CCBE1: variants seen among roughly 807,000 people sequenced by gnomAD.
CCBE1 encodes collagen and calcium binding EGF domains 1.
A neutral mutation model predicts 50.0 loss-of-function variants in CCBE1; 37 were observed. That is an observed-to-expected ratio of 0.74 (90% CI 0.57 to 0.97). The LOEUF (loss-of-function observed/expected upper bound fraction) is 0.97. Ranked by LOEUF, CCBE1 falls within the 50% of genes least tolerant of loss-of-function variation. The pLI is 0.00. For missense variants in CCBE1, 538 were observed against 523.8 expected (o/e 1.03, Z -0.26); for synonymous variants, 234 against 203.7 (o/e 1.15, Z -1.27).
chr18:59,480,753 A>ATTT (rs10636742), intron 2 of CCBE1, among the ~76,000 whole-genome samples: 224 of 150,086 alleles, frequency 1.5e-3, no homozygotes, highest in Middle Eastern at 6.9e-3. Flanking sequence ...CATTTGAGTG[A>ATTT]TTTTTTTTTT....
At chr18:59,565,192 A>G (rs550640132) in intron 2 of CCBE1, among the ~76,000 whole-genome samples, 1 of 137,070 alleles carries the variant, frequency 7.3e-6, no homozygotes, top group East Asian at 2.1e-4. Context: ...AGTGTCAAAA[A>G]TGTAGGTAGG....
At chr18:59,554,411 T>C (rs896589845) in intron 2 of CCBE1, among the ~76,000 whole-genome samples, 22 of 152,244 alleles carry the variant, frequency 1.4e-4, no homozygotes, top group African/African-American at 5.3e-4. Flanking sequence ...ATGCATCCCA[T>C]GTTACACACA....
At chr18:59,656,341 C>A (rs148371285) in intron 2 of CCBE1, among the ~76,000 whole-genome samples, 1 of 152,106 alleles carries the variant, frequency 6.6e-6, no homozygotes, top group Non-Finnish European at 1.5e-5. Flanking sequence ...TTTAATCACC[C>A]TATAAAACAT....
chr18:59,476,621 G>A (rs1912317937), intron 3 of CCBE1, among the ~76,000 whole-genome samples: 1 of 152,240 alleles, frequency 6.6e-6, no homozygotes, highest in Non-Finnish European at 1.5e-5. Flanking sequence ...ATCAGAGTTA[G>A]GGCACAGGCC....
At chr18:59,642,976 A>G (rs986071280) in intron 2 of CCBE1, among the ~76,000 whole-genome samples, 4 of 151,078 alleles carry the variant, frequency 2.6e-5, no homozygotes, top group Non-Finnish European at 4.4e-5. Context: ...AAAAATTACA[A>G]TGAAGGATAA....
intron 2 of CCBE1, among the ~76,000 whole-genome samples, chr18:59,486,756 C>T (rs747465356): frequency 8.5e-5 from 13 of 152,260 alleles, no homozygotes; most frequent in South Asian, 2.1e-4. Context: ...AGGAAGACTT[C>T]CATCTTTCTC....
intron 2 of CCBE1, among the ~76,000 whole-genome samples, chr18:59,649,500 G>A (rs2054099757): frequency 6.6e-6 from 1 of 152,168 alleles, no homozygotes; most frequent in Non-Finnish European, 1.5e-5. Context: ...CATAATAACA[G>A]ACAGACATTT....
intron 5 of CCBE1, among the ~76,000 whole-genome samples, chr18:59,465,264 G>A (rs1911686190): frequency 6.6e-6 from 1 of 152,168 alleles, no homozygotes; most frequent in Non-Finnish European, 1.5e-5. Context: ...ACATGCATAT[G>A]GTGGTATTTT....
At chr18:59,528,095 C>T (rs1914900802) in intron 2 of CCBE1, among the ~76,000 whole-genome samples, 1 of 152,156 alleles carries the variant, frequency 6.6e-6, no homozygotes, top group African/African-American at 2.4e-5. Context: ...TCTGTTCTCC[C>T]CTTCTCTTTC....
intron 2 of CCBE1, among the ~76,000 whole-genome samples, chr18:59,612,884 A>C (rs2053592113): frequency 6.7e-6 from 1 of 148,652 alleles, no homozygotes. Context: ...TGGCTGGAAC[A>C]AAGATGTGGG....
intron 2 of CCBE1, among the ~76,000 whole-genome samples, chr18:59,557,563 G>T (rs1288717479): frequency 6.6e-6 from 1 of 152,034 alleles, no homozygotes; most frequent in Non-Finnish European, 1.5e-5. Context: ...CCTCTGATTG[G>T]TCCCCTCCTG....
At chr18:59,486,940 AT>A (rs1568165998) in intron 2 of CCBE1, among the ~76,000 whole-genome samples, 1 of 151,960 alleles carries the variant, frequency 6.6e-6, no homozygotes, top group Non-Finnish European at 1.5e-5. Context: ...TAAGAGAATC[AT>A]AAAAAGCATA....
At chr18:59,442,965 C>A (rs1180390034) in intron 7 of CCBE1, among the ~76,000 whole-genome samples, 3 of 151,832 alleles carry the variant, frequency 2.0e-5, no homozygotes, top group Non-Finnish European at 4.4e-5. Flanking sequence ...ATGTGACCTG[C>A]CCATCTCTGT....
At chr18:59,634,717 C>T (rs1003959682) in intron 2 of CCBE1, among the ~76,000 whole-genome samples, 1 of 151,894 alleles carries the variant, frequency 6.6e-6, no homozygotes, top group African/African-American at 2.4e-5. Flanking sequence ...AAAACATGAG[C>T]GAGGAACAAG....
At chr18:59,527,930 C>G (rs1282655145) in intron 2 of CCBE1, among the ~76,000 whole-genome samples, 1 of 152,128 alleles carries the variant, frequency 6.6e-6, no homozygotes, top group Non-Finnish European at 1.5e-5. Context: ...GCATTTCAAC[C>G]TTGGAGAATC....
At chr18:59,490,413 A>C (rs1016477178) in intron 2 of CCBE1, among the ~76,000 whole-genome samples, 2 of 139,214 alleles carry the variant, frequency 1.4e-5, no homozygotes, top group African/African-American at 5.6e-5. Flanking sequence ...ATATTTTCTG[A>C]ATTTTCTATA....
intron 2 of CCBE1, among the ~76,000 whole-genome samples, chr18:59,651,430 C>T (rs1048550778): frequency 8.5e-5 from 13 of 152,334 alleles, no homozygotes; most frequent in Non-Finnish European, 1.6e-4. Flanking sequence ...GCATGCCAAA[C>T]GCTGGTTCAT....
chr18:59,657,842 G>A (rs927792633), intron 2 of CCBE1, among the ~76,000 whole-genome samples: 1 of 152,156 alleles, frequency 6.6e-6, no homozygotes, highest in East Asian at 1.9e-4. Flanking sequence ...AGTGAGCCCA[G>A]ATTGTGCCAC....
Position 59,693,004 on chromosome 18 carries a change from A to AC in CCBE1, c.212+3624_212+3625insG, listed in dbSNP as rs1568276578. ...CACACACACACACACACACACACAC[A>AC]AACAAAAAACGCAAAGCCAAACCTA... On this transcript the variant is annotated intron_variant, in intron 2 of 10. Coordinates refer to ENST00000439986, the MANE Select transcript of CCBE1 (RefSeq NM_133459.4). Among the ~76,000 whole-genome samples the AC allele has an allele frequency of 2.4e-4, 35 of 148,770 alleles. No individual in the cohort carries two copies. The South Asian group carries it at 4.4e-3, about 19-fold the overall frequency.
Sources: gnomAD v4.1 joint callset for allele counts (sites outside exome capture counted in the v4.1 genomes callset) on GRCh38, gnomAD v4.1.1 for gene constraint, MANE v1.5 for transcripts, NCBI Gene and HGNC (gene_info 2026-07-23, HGNC 2026-07-21) for gene names.